The following CADM2 variants were observed in gnomAD, a reference collection of about 807,000 sequenced individuals.
CADM2 encodes the protein immunoglobulin superfamily member 4D.
A neutral mutation model predicts 49.8 loss-of-function variants in CADM2; 12 were observed. The observed-to-expected ratio is 0.24, with a 90% CI of 0.15 to 0.39. The LOEUF is 0.39. CADM2 is among the 10% of genes least tolerant of loss of function. CADM2 has a pLI of 1.00. For synonymous variants in CADM2, 214 were observed against 175.4 expected (o/e 1.22, Z -1.74); for missense variants, 378 against 492.3 (o/e 0.77, Z 2.20).
At chr3:85,958,745 G>T (rs1168496402) in intron 7 of CADM2, among the ~76,000 whole-genome samples, 2 of 151,940 alleles carry the variant, frequency 1.3e-5, no homozygotes, top group Non-Finnish European at 2.9e-5. Flanking sequence ...CATGTCCTTT[G>T]CAGGGATATG....
At chr3:85,710,118 T>C (rs2067072888) in intron 1 of CADM2, among the ~76,000 whole-genome samples, 1 of 152,126 alleles carries the variant, frequency 6.6e-6, no homozygotes, top group South Asian at 2.1e-4. Context: ...ACATTTCCTA[T>C]AGTGTATGTA....
intron 5 of CADM2, among the ~76,000 whole-genome samples, chr3:85,898,937 G>GTATATATATACATATATATATATATA (rs1715660635): frequency 2.1e-5 from 1 of 46,680 alleles, no homozygotes; most frequent in Admixed American, 3.5e-4. Flanking sequence ...CATTTATTGT[G>GTATATATATACATATATATATATATA]TATATATATA....
Position 86,066,804 on chromosome 3 carries a change from G to A in CADM2, c.*21G>A. ...TTTAAGATGCAGGCCAAGATTCTGAGTTTTACTACCAGGCTGAATGCTGGA... is the reference window on the plus strand; with the variant it reads ...TTTAAGATGCAGGCCAAGATTCTGAATTTTACTACCAGGCTGAATGCTGGA... On this transcript the variant is annotated 3_prime_UTR_variant, in exon 10 of 10. Transcript: ENST00000383699. 1 of 1,503,640 alleles carries A rather than the reference G, an allele frequency of 6.7e-7. No homozygotes were observed. The highest frequency in any genetic ancestry group is 1.1e-5 in the South Asian group (1 of 88,746). 93.1% of individuals were successfully genotyped at this position (1,503,640 alleles called of 1,614,324 possible).
chr3:85,561,326 T>A (rs1310282248), intron 1 of CADM2, among the ~76,000 whole-genome samples: 2 of 152,178 alleles, frequency 1.3e-5, no homozygotes, highest in Non-Finnish European at 2.9e-5. Flanking sequence ...GAATAGCAAA[T>A]TAAGTTCAAC....
At chr3:85,515,605 C>T (rs1023034743) in intron 1 of CADM2, among the ~76,000 whole-genome samples, 52 of 124,866 alleles carry the variant, frequency 4.2e-4, no homozygotes, top group Non-Finnish European at 7.2e-4. Context: ...GCCACCACGC[C>T]CACTAATATA....
intron 1 of CADM2, among the ~76,000 whole-genome samples, chr3:85,289,357 A>T (rs2106924822): frequency 6.6e-6 from 1 of 152,330 alleles, no homozygotes; most frequent in Non-Finnish European, 1.5e-5. Flanking sequence ...TCAATGGGTT[A>T]ATGAAAGGGG....
In CADM2 at chr3:85,129,132, A is replaced by G. The variant is rs62250630; in HGVS notation, c.61+169464A>G. On this transcript the variant is annotated intron_variant, in intron 1 of 9. Coordinates refer to ENST00000383699, the MANE Select transcript of CADM2 (RefSeq NM_001167675.2). ...AAACCCGGTCCATAGCCAGTTCACC[A>G]CATCAATGCTTAGGCCCAAGGAAGA... 2.0e-5 allele frequency among the ~76,000 whole-genome samples: 3 copies of G among 152,262 alleles called. No homozygotes were observed. In the East Asian group the frequency reaches 5.8e-4, roughly 29 times the overall value.
intron 1 of CADM2, among the ~76,000 whole-genome samples, chr3:85,718,392 TG>T (rs1436315320): frequency 2.0e-5 from 3 of 152,194 alleles, no homozygotes; most frequent in Non-Finnish European, 4.4e-5. Flanking sequence ...TAATAATAAA[TG>T]GTTGAGACAT....
At chr3:85,312,968 C>T (rs1488865059) in intron 1 of CADM2, among the ~76,000 whole-genome samples, 3 of 152,134 alleles carry the variant, frequency 2.0e-5, no homozygotes, top group Admixed American at 6.5e-5. Flanking sequence ...TGCATTTCCC[C>T]TTATCACATT....
chr3:85,568,727 C>T lies in CADM2; in HGVS notation c.62-157795C>T, dbSNP rs943755719. Among the ~76,000 whole-genome samples, 9 of 150,352 alleles carry T rather than the reference C, an allele frequency of 6.0e-5. No individual in the cohort carries two copies. The South Asian group carries it at 6.3e-4, about 11-fold the overall frequency. On this transcript the variant is annotated intron_variant, in intron 1 of 9. Transcript: ENST00000383699. Reference sequence around the variant, plus strand: ...AGGCAATTCTCCTGCCTCAGCCTCCCGAGTAGCTAGGATTACAGGCGTGAG... The same window carrying T: ...AGGCAATTCTCCTGCCTCAGCCTCCTGAGTAGCTAGGATTACAGGCGTGAG...
chr3:85,930,070 A>G lies in CADM2; in HGVS notation c.701-5697A>G, dbSNP rs1234784046. 4.6e-5 allele frequency among the ~76,000 whole-genome samples: 7 copies of G among 152,124 alleles called. No individual in the cohort carries two copies. The East Asian group carries it at 1.3e-3, about 29-fold the overall frequency. The stretch of plus-strand genomic sequence containing the variant: ...ACTAAAATGGCATGTTTAAAGAGGA[A>G]TAATTTATATCATGGAAATATAAAC... On this transcript the variant is annotated intron_variant, in intron 6 of 9. Transcript: ENST00000383699.
At chr3:85,726,588 T>G in intron 2 of CADM2, 40 bp downstream of exon 2, 1 of 1,513,594 alleles carries the variant, frequency 6.6e-7, no homozygotes, top group Non-Finnish European at 9.2e-7. Context: ...TCATCATTCA[T>G]TTTTCTGCTC....
chr3:85,072,379 A>C, intron 1 of CADM2, among the ~76,000 whole-genome samples: 1 of 151,956 alleles, frequency 6.6e-6, no homozygotes, highest in East Asian at 1.9e-4. Context: ...TATTTTAAAA[A>C]CCCTACTTTA....
chr3:85,503,247 A>T (rs1441750070), intron 1 of CADM2, among the ~76,000 whole-genome samples: 1 of 152,166 alleles, frequency 6.6e-6, no homozygotes, highest in Non-Finnish European at 1.5e-5. Context: ...TGATTTCTGA[A>T]TTTTTAACAT....
intron 1 of CADM2, among the ~76,000 whole-genome samples, chr3:85,258,144 G>C (rs1447457152): frequency 6.6e-6 from 1 of 152,060 alleles, no homozygotes; most frequent in Non-Finnish European, 1.5e-5. Context: ...CAGCCTACCT[G>C]AGTGGCCAAG....
In CADM2 at chr3:85,961,499, C is replaced by A. The variant is rs368528421; in HGVS notation, c.822C>A (p.Gly274=). 1.2e-6 allele frequency: 2 copies of A among 1,603,434 alleles called. No homozygotes were observed. The highest frequency in any genetic ancestry group is 1.1e-5 in the South Asian group (1 of 89,902). ...LPEPVLWTKD[G]GELPDPDRMV... The stretch of plus-strand genomic sequence containing the variant: ...AACCTGTTTTGTGGACAAAGGATGG[C>A]GGAGAATTACCAGATCCTGACCGAA... The change falls in exon 8 of 10, where the codon GGC becomes GGA. Residue 274 remains glycine, a synonymous_variant. Transcript: ENST00000383699.
chr3:85,443,128 C>T (rs934772761), intron 1 of CADM2, among the ~76,000 whole-genome samples: 5 of 151,952 alleles, frequency 3.3e-5, no homozygotes, highest in African/African-American at 1.2e-4. Context: ...GATTTCAGAG[C>T]AAGATTGATC....
At chr3:85,282,837 C>G (rs376118979) in intron 1 of CADM2, among the ~76,000 whole-genome samples, 2 of 151,952 alleles carry the variant, frequency 1.3e-5, no homozygotes, top group East Asian at 1.9e-4. Flanking sequence ...TATCACACAG[C>G]AGGGTGACTA....
intron 5 of CADM2, among the ~76,000 whole-genome samples, chr3:85,897,068 T>C (rs1715310343): frequency 6.6e-6 from 1 of 152,038 alleles, no homozygotes; most frequent in Non-Finnish European, 1.5e-5. Context: ...AATAGGTATT[T>C]AGGAAAGAAA....
Sources: allele counts gnomAD v4.1 joint callset (sites outside exome capture counted in the v4.1 genomes callset), GRCh38; gene constraint gnomAD v4.1.1; transcripts MANE v1.5; gene names NCBI Gene and HGNC (gene_info 2026-07-23, HGNC 2026-07-21).